The following EDIL3 variants were observed in gnomAD, a reference collection of about 807,000 sequenced individuals.
EDIL3 encodes the protein EGF-like repeat and discoidin I-like domain-containing protein 3.
EDIL3 carries 37 observed loss-of-function variants against 67.4 expected under a neutral mutation model. The ratio of observed to expected loss-of-function variants is 0.55; its 90% confidence interval spans 0.42 to 0.72. The LOEUF is 0.72. Ranked by LOEUF, EDIL3 falls within the 30% of genes least tolerant of loss-of-function variation. The pLI, the probability that EDIL3 is intolerant of heterozygous loss-of-function variation, is 0.00. For missense variants in EDIL3, 527 were observed against 586.3 expected (o/e 0.90, Z 1.04); for synonymous variants, 195 against 196.3 (o/e 0.99, Z 0.05).
At chr5:84,257,137 A>G (rs555013189) in intron 1 of EDIL3, among the ~76,000 whole-genome samples, 1 of 152,152 alleles carries the variant, frequency 6.6e-6, no homozygotes, top group South Asian at 2.1e-4. Flanking sequence ...AGGTTCTTTC[A>G]ATTATCCCAT....
chr5:84,361,267 T>G (rs544311568), intron 1 of EDIL3, among the ~76,000 whole-genome samples: 901 of 89,742 alleles, frequency 0.01, 6 homozygotes, highest in South Asian at 0.041. Flanking sequence ...TTAAGGTCAT[T>G]ACAACACACA....
chr5:84,072,074 G>T (rs1488071783), intron 6 of EDIL3, among the ~76,000 whole-genome samples: 1 of 151,846 alleles, frequency 6.6e-6, no homozygotes, highest in African/African-American at 2.4e-5. Flanking sequence ...GGAAAACACA[G>T]AATTAAAAAC....
intron 1 of EDIL3, among the ~76,000 whole-genome samples, chr5:84,295,903 T>C (rs1007284627): frequency 7.9e-5 from 12 of 152,174 alleles, no homozygotes; most frequent in African/African-American, 2.7e-4. Context: ...TTATAGGTTA[T>C]TACAGGCATG....
At chr5:84,166,844 A>G (rs1748712787) in intron 4 of EDIL3, among the ~76,000 whole-genome samples, 1 of 152,150 alleles carries the variant, frequency 6.6e-6, no homozygotes, top group East Asian at 1.9e-4. Flanking sequence ...AGAGGAGGCC[A>G]GGTAAATGAT....
chr5:84,039,402 T>A (rs1270117838), intron 9 of EDIL3, among the ~76,000 whole-genome samples: 1 of 152,146 alleles, frequency 6.6e-6, no homozygotes, highest in Non-Finnish European at 1.5e-5. Flanking sequence ...CAAAATAGCA[T>A]CTTTACCACC....
At chr5:84,330,380 G>A (rs1746844020) in intron 1 of EDIL3, among the ~76,000 whole-genome samples, 1 of 152,110 alleles carries the variant, frequency 6.6e-6, no homozygotes, top group African/African-American at 2.4e-5. Flanking sequence ...GGAAGAATTA[G>A]TATAATTATA....
At chr5:84,097,357 A>C (rs1477710266) in intron 6 of EDIL3, among the ~76,000 whole-genome samples, 1 of 152,206 alleles carries the variant, frequency 6.6e-6, no homozygotes, top group East Asian at 1.9e-4. Context: ...TATCATACAC[A>C]TCAAATATAT....
intron 5 of EDIL3, among the ~76,000 whole-genome samples, chr5:84,120,979 G>T (rs534659889): frequency 6.6e-6 from 1 of 152,022 alleles, no homozygotes; most frequent in East Asian, 1.9e-4. Flanking sequence ...CATGCCAATG[G>T]GTAACAGTGA....
At position 84,096,634 on chromosome 5, in the gene EDIL3, G is replaced by T. The variant is rs188901363; in HGVS notation, c.651+10015C>A. On this transcript the variant is annotated intron_variant, in intron 6 of 10. Transcript: ENST00000296591. The stretch of plus-strand genomic sequence containing the variant: ...TTGGTTTTTTTCAGATGAGACTTTG[G>T]ACTGCAGACTTTTGAGTTAATGCTG... Among the ~76,000 whole-genome samples, 31 of 152,216 alleles carry T rather than the reference G, an allele frequency of 2.0e-4. No individual in the cohort carries two copies. The East Asian group carries it at 5.6e-3, about 28-fold the overall frequency.
chr5:84,318,442 CT>C (rs1166489062), intron 1 of EDIL3, among the ~76,000 whole-genome samples: 2 of 152,144 alleles, frequency 1.3e-5, no homozygotes, highest in African/African-American at 4.8e-5. Flanking sequence ...CAGCAAGGTA[CT>C]GGTACCAAAA....
Position 84,146,086 on chromosome 5 carries a change from TAATACAAGTATAGCC to T in EDIL3, c.356-8747_356-8733del, listed in dbSNP as rs764061871. 3.0e-4 allele frequency among the ~76,000 whole-genome samples: 46 copies of T among 152,294 alleles called. 1 individual carries two copies. The highest frequency in any genetic ancestry group is 6.2e-4 in the Non-Finnish European group (42 of 68,004). ...CAGTTTACCTCTACATAAGGTTTAA[TAATACAAGTATAGCC>T]AAACAGCACTACAGGATGGCAGTTA... On this transcript the variant is annotated intron_variant, in intron 4 of 10. Transcript: ENST00000296591.
chr5:84,157,097 C>A lies in EDIL3; in HGVS notation c.356-19743G>T, dbSNP rs532427519. The stretch of plus-strand genomic sequence containing the variant: ...AACATAGCAGATCAATAATAAAGCT[C>A]TAAGGATGTTTTTTTACCATTTTTT... On this transcript the variant is annotated intron_variant, in intron 4 of 10. Transcript: ENST00000296591. 3.6e-4 allele frequency among the ~76,000 whole-genome samples: 54 copies of A among 152,072 alleles called. 2 individuals are homozygous for A. The East Asian group carries it at 8.1e-3, about 23-fold the overall frequency.
At chr5:84,232,044 T>C (rs1373962) in intron 2 of EDIL3, among the ~76,000 whole-genome samples, 59,777 of 152,068 alleles carry the variant, frequency 0.39, 12,653 homozygotes, top group East Asian at 0.81. Context: ...GAATTTGAGC[T>C]CATGTCAGTG....
rs541439244 is a variant in EDIL3, at chr5:84,306,358, G to A, written c.68-52146C>T. 3.3e-5 allele frequency among the ~76,000 whole-genome samples: 5 copies of A among 152,234 alleles called. No homozygotes were observed. In the South Asian group the frequency reaches 1.0e-3, roughly 32 times the overall value. On this transcript the variant is annotated intron_variant, in intron 1 of 10. Coordinates refer to ENST00000296591, the MANE Select transcript of EDIL3 (RefSeq NM_005711.5). Reference sequence around the variant, plus strand: ...ATTTTAGAAAAAGGAACAAATTGAGGTTTAATGTTCATAATATATTTTTAA... The same window carrying A: ...ATTTTAGAAAAAGGAACAAATTGAGATTTAATGTTCATAATATATTTTTAA...
intron 4 of EDIL3, among the ~76,000 whole-genome samples, chr5:84,176,251 G>GTA (rs1337943363): frequency 1.6e-5 from 2 of 123,074 alleles, no homozygotes; most frequent in East Asian, 4.4e-4. Context: ...ATAATATATT[G>GTA]TATATATATT....
At chr5:84,384,275 C>G (rs202067531) in intron 1 of EDIL3, 33 bp downstream of exon 1, 1 of 1,602,454 alleles carries the variant, frequency 6.2e-7, no homozygotes, top group Non-Finnish European at 8.5e-7. Context: ...CCAGCCCATC[C>G]CTCACCCAGC....
rs1471017740 is a variant in EDIL3 at position 84,237,249 on chromosome 5, A to G, written c.197-7365T>C. 2.6e-5 allele frequency among the ~76,000 whole-genome samples: 4 copies of G among 152,158 alleles called. No individual in the cohort carries two copies. The East Asian group carries it at 7.7e-4, about 29-fold the overall frequency. ...TAATCTAAAAAGCAAATCTGCTAAA[A>G]CCAAAAGAACAGAAAACTAAAAAGT... is the stretch of plus-strand genomic sequence containing the variant. On this transcript the variant is annotated intron_variant, in intron 2 of 10. Coordinates refer to ENST00000296591, the MANE Select transcript of EDIL3 (RefSeq NM_005711.5).
chr5:84,312,712 C>A (rs182040238), intron 1 of EDIL3, among the ~76,000 whole-genome samples: 91 of 152,300 alleles, frequency 6.0e-4, no homozygotes, highest in African/African-American at 2.0e-3. Flanking sequence ...ACCTCCCAGA[C>A]GGGGCGGCTA....
At chr5:84,349,744 G>A (rs1468520633) in intron 1 of EDIL3, among the ~76,000 whole-genome samples, 1 of 151,926 alleles carries the variant, frequency 6.6e-6, no homozygotes, top group Non-Finnish European at 1.5e-5. Context: ...TCATTTCAAT[G>A]ACTGCATATT....
Sources: allele counts gnomAD v4.1 joint callset (sites outside exome capture counted in the v4.1 genomes callset), GRCh38; gene constraint gnomAD v4.1.1; transcripts MANE v1.5; gene names NCBI Gene and HGNC (gene_info 2026-07-23, HGNC 2026-07-21).